C2orf76: variants seen among roughly 807,000 people sequenced by gnomAD.
The protein encoded by C2orf76 is UPF0538 protein C2orf76.
Under a neutral mutation model 16.9 loss-of-function variants are expected in C2orf76, and 23 were observed. That is an observed-to-expected ratio of 1.36 (90% CI 0.98 to 1.93). The LOEUF (loss-of-function observed/expected upper bound fraction) is 1.93, where lower values mean the gene tolerates loss of function less well. Among genes scored for constraint, C2orf76 ranks in the 30% most tolerant of loss-of-function variants. C2orf76 has a pLI of 0.00. For missense variants in C2orf76, 152 were observed against 152.6 expected (o/e 1.00, Z 0.02); for synonymous variants, 48 against 52.3 (o/e 0.92, Z 0.35).
At chr2:119,290,525 T>C in the C2orf76 span, among the ~76,000 whole-genome samples, 7 of 152,050 alleles carry the variant, frequency 4.6e-5, no homozygotes, top group African/African-American at 1.2e-4. Context: ...TAATTAAGCA[T>C]TGACTTTTAA....
At chr2:119,326,969 A>T (rs1400936443) in intron 2 of C2orf76, among the ~76,000 whole-genome samples, 1 of 152,050 alleles carries the variant, frequency 6.6e-6, no homozygotes, top group African/African-American at 2.4e-5. Context: ...ATTTCATAGG[A>T]TTTTCTGCAT....
chr2:119,284,266 C>G, the C2orf76 span, among the ~76,000 whole-genome samples: 1 of 152,116 alleles, frequency 6.6e-6, no homozygotes, highest in Non-Finnish European at 1.5e-5. Flanking sequence ...TGAGCCATGC[C>G]GCAGACAGGC....
chr2:119,359,820 C>T (rs762818785), intron 1 of C2orf76, among the ~76,000 whole-genome samples: 3 of 152,168 alleles, frequency 2.0e-5, no homozygotes, highest in Non-Finnish European at 4.4e-5. Flanking sequence ...GTCGCCTAGG[C>T]TGGAGTGCTG....
intron 1 of C2orf76, among the ~76,000 whole-genome samples, chr2:119,347,404 G>T (rs572637756): frequency 6.6e-6 from 1 of 152,222 alleles, no homozygotes; most frequent in South Asian, 2.1e-4. Flanking sequence ...ATCCTAATTT[G>T]TATAATATTA....
chr2:119,352,733 C>T (rs1214183180), intron 1 of C2orf76, among the ~76,000 whole-genome samples: 1 of 152,132 alleles, frequency 6.6e-6, no homozygotes, highest in Non-Finnish European at 1.5e-5. Flanking sequence ...ATAAATGCTG[C>T]TAAATTGAAT....
the C2orf76 span, among the ~76,000 whole-genome samples, chr2:119,287,582 GAAC>G: frequency 4.0e-5 from 6 of 151,882 alleles, no homozygotes; most frequent in African/African-American, 1.5e-4. Context: ...TTTTTGTTGA[GAAC>G]AACAAAGGGG....
chr2:119,366,488 CT>C (rs1300355631), intron 1 of C2orf76: 1 of 471,824 alleles, frequency 2.1e-6, no homozygotes. Flanking sequence ...ACCAGTCCAG[CT>C]TTCCACCATC....
chr2:119,333,681 T>C (rs1210330737), intron 2 of C2orf76, among the ~76,000 whole-genome samples: 1 of 152,238 alleles, frequency 6.6e-6, no homozygotes, highest in Non-Finnish European at 1.5e-5. Context: ...GTGGTACATA[T>C]ATGGTCCACA....
chr2:119,339,111 T>TA (rs956891647), intron 2 of C2orf76: 2 of 152,256 alleles, frequency 1.3e-5, no homozygotes, highest in South Asian at 2.1e-4. Flanking sequence ...CATGTCAAAG[T>TA]AAAAAAATTA....
At chr2:119,293,171 A>G in the C2orf76 span, among the ~76,000 whole-genome samples, 1 of 152,262 alleles carries the variant, frequency 6.6e-6, no homozygotes, top group African/African-American at 2.4e-5. Flanking sequence ...TTCTAATAGC[A>G]GAAGACGGAA....
chr2:119,350,064 A>ACCCCCCCCCCCC (rs1680337722), intron 1 of C2orf76, among the ~76,000 whole-genome samples: 1 of 40,358 alleles, frequency 2.5e-5, no homozygotes. Flanking sequence ...CGCCCCGCCC[A>ACCCCCCCCCCCC]CACCGCCCCC....
the C2orf76 span, among the ~76,000 whole-genome samples, chr2:119,292,907 C>A: frequency 1.3e-5 from 2 of 150,646 alleles, no homozygotes; most frequent in South Asian, 4.5e-4. Context: ...TGGTGGCATG[C>A]GCCTGTAGTC....
downstream of C2orf76, among the ~76,000 whole-genome samples, chr2:119,300,187 T>C (rs928443802): frequency 1.9e-4 from 29 of 152,320 alleles, no homozygotes; most frequent in Middle Eastern, 0.01. Flanking sequence ...TGAAGAACTG[T>C]GGTAAAAGTC....
At chr2:119,367,090 G>T, upstream of C2orf76, 1 of 1,613,300 alleles carries the variant, frequency 6.2e-7, no homozygotes. Context: ...AGGCTGCGAA[G>T]GTGCAGCGGG....
At chr2:119,311,441 C>G (rs760705311) in intron 5 of C2orf76, 181 bp downstream of exon 5, 19 of 985,306 alleles carry the variant, frequency 1.9e-5, no homozygotes, top group Non-Finnish European at 2.2e-5. Flanking sequence ...ACCTACTGTC[C>G]TCAGCCAAGA....
chr2:119,311,115 T>G (rs1046639417), intron 5 of C2orf76: 1 of 968,598 alleles, frequency 1.0e-6, no homozygotes, highest in African/African-American at 1.8e-5. Context: ...ACATGCACAT[T>G]CTAGGCTGGA....
chr2:119,285,076 A>G, the C2orf76 span, among the ~76,000 whole-genome samples: 1 of 152,188 alleles, frequency 6.6e-6, no homozygotes, highest in Admixed American at 6.5e-5. Context: ...TATTCTCATC[A>G]TTTCATTCTT....
At chr2:119,356,875 T>C (rs1680587595) in intron 1 of C2orf76, among the ~76,000 whole-genome samples, 2 of 152,030 alleles carry the variant, frequency 1.3e-5, no homozygotes, top group African/African-American at 4.8e-5. Flanking sequence ...ACTAATTACA[T>C]ACATACATTT....
chr2:119,354,878 T>C (rs13016556), intron 1 of C2orf76, among the ~76,000 whole-genome samples: 9,478 of 152,310 alleles, frequency 0.062, 467 homozygotes, highest in Middle Eastern at 0.085. Flanking sequence ...ATGCTGTAAC[T>C]GCTTTACTGC....
Sources: gnomAD v4.1 joint callset for allele counts (sites outside exome capture counted in the v4.1 genomes callset) on GRCh38, gnomAD v4.1.1 for gene constraint, MANE v1.5 for transcripts, NCBI Gene and HGNC (gene_info 2026-07-23, HGNC 2026-07-21) for gene names.